The following IFNAR1 variants were observed in gnomAD, a reference collection of about 807,000 sequenced individuals.
IFNAR1 encodes the protein interferon alpha and beta receptor subunit 1, also known as interferon alpha/beta receptor 1.
A neutral mutation model predicts 62.1 loss-of-function variants in IFNAR1; 47 were observed. The ratio of observed to expected loss-of-function variants is 0.76; its 90% CI spans 0.60 to 0.97. The LOEUF (loss-of-function observed/expected upper bound fraction) is 0.97. Ranked by LOEUF, IFNAR1 falls within the 50% of genes least tolerant of loss-of-function variation. The probability of loss-of-function intolerance (pLI) is 0.00; values close to 1 mark genes in which losing one functional copy is unlikely to be tolerated. For missense variants in IFNAR1, 638 were observed against 654.5 expected (o/e 0.97, Z 0.27); for synonymous variants, 219 against 226.9 (o/e 0.97, Z 0.31).
intron 6 of IFNAR1, among the ~76,000 whole-genome samples, chr21:33,348,206 T>C (rs957586997): frequency 6.6e-6 from 1 of 152,196 alleles, no homozygotes; most frequent in African/African-American, 2.4e-5. Flanking sequence ...ACTTAATCAG[T>C]GTCCATTGGT....
At chr21:33,324,735 A>C, upstream of IFNAR1, 1 of 392,754 alleles carries the variant, frequency 2.5e-6, no homozygotes, top group Non-Finnish European at 4.8e-6. Flanking sequence ...ATAGGCCGGA[A>C]AGAGTGAGGA....
At chr21:33,343,966 G>A (rs569903054) in intron 5 of IFNAR1, among the ~76,000 whole-genome samples, 3 of 152,216 alleles carry the variant, frequency 2.0e-5, no homozygotes, top group East Asian at 1.9e-4. Context: ...GAACAGCCTC[G>A]CCAACATGGG....
chr21:33,328,374 A>G (rs913664021), intron 1 of IFNAR1, among the ~76,000 whole-genome samples: 1 of 152,192 alleles, frequency 6.6e-6, no homozygotes, highest in Non-Finnish European at 1.5e-5. Flanking sequence ...ATAATGAGGC[A>G]TATCCAAACC....
In IFNAR1 at chr21:33,359,418, G is replaced by A. The variant is rs1478203245; in HGVS notation, c.*3869G>A. 1 of 152,136 alleles carries A rather than the reference G, an allele frequency of 6.6e-6. No individual in the cohort carries two copies. The allele number at this position is 152,136 out of a possible 1,614,324, so 9.4% of individuals were successfully genotyped here. On this transcript the variant is annotated 3_prime_UTR_variant, in exon 11 of 11. Transcript: ENST00000270139. Reference sequence around the variant, plus strand: ...TGAGGCCTGTGCTTGGTGTTCCAGAGCCCAGGGTTGAGCATCCTGAAGGAG... The same window carrying A: ...TGAGGCCTGTGCTTGGTGTTCCAGAACCCAGGGTTGAGCATCCTGAAGGAG...
intron 8 of IFNAR1, among the ~76,000 whole-genome samples, chr21:33,351,566 T>TTTTTG (rs1568932967): frequency 6.6e-6 from 1 of 150,546 alleles, no homozygotes; most frequent in African/African-American, 2.4e-5. Flanking sequence ...TTTTTTTTTT[T>TTTTTG]GAGACAGGTT....
chr21:33,336,997 C>CACCTCAGCCTCCCA (rs1345148154), intron 2 of IFNAR1, among the ~76,000 whole-genome samples: 4 of 152,062 alleles, frequency 2.6e-5, no homozygotes, highest in Non-Finnish European at 5.9e-5. Flanking sequence ...GTGGTCTGCT[C>CACCTCAGCCTCCCA]ACCTCAGCCT....
At chr21:33,352,735 A>C (rs774047223) in intron 8 of IFNAR1, 23 bp from the exon 9 acceptor site, 5 of 1,336,660 alleles carry the variant, frequency 3.7e-6, no homozygotes, top group Non-Finnish European at 5.2e-6. Flanking sequence ...AAATTTTATC[A>C]GTGATTTAAT....
chr21:33,332,334 G>C (rs2083189099), intron 1 of IFNAR1, among the ~76,000 whole-genome samples: 1 of 152,086 alleles, frequency 6.6e-6, no homozygotes, highest in Non-Finnish European at 1.5e-5. Context: ...CATCTGTCAG[G>C]AAACAGTCAC....
At chr21:33,327,494 G>A (rs998466277) in intron 1 of IFNAR1, among the ~76,000 whole-genome samples, 1 of 152,182 alleles carries the variant, frequency 6.6e-6, no homozygotes, top group Non-Finnish European at 1.5e-5. Flanking sequence ...GGCTGTATAG[G>A]CCAGTCCGTG....
chr21:33,358,146 G>C lies in IFNAR1; in HGVS notation c.*2597G>C, dbSNP rs1284603097. 6.6e-6 allele frequency: 1 copy of C among 152,162 alleles called. No individual in the cohort carries two copies. Among genetic ancestry groups the C allele is most frequent in the Non-Finnish European group, 1.5e-5 (1 of 68,026 alleles). The allele number at this position is 152,162 out of a possible 1,614,324, so 9.4% of individuals were successfully genotyped here. A position where few individuals can be genotyped will look rare whatever the true frequency, so the allele number is the denominator to read the frequency against. On this transcript the variant is annotated 3_prime_UTR_variant, in exon 11 of 11. Transcript: ENST00000270139. The stretch of plus-strand genomic sequence containing the variant: ...TTTAAGACCATCTGTGGTTTTCAGT[G>C]AACAAGCGCTGAGCACCAGCAGCAG...
At chr21:33,354,414 T>G (rs1643741240) in intron 10 of IFNAR1, among the ~76,000 whole-genome samples, 1 of 152,224 alleles carries the variant, frequency 6.6e-6, no homozygotes, top group Non-Finnish European at 1.5e-5. Context: ...TGTTTCAATT[T>G]GTGATGCGTT....
At chr21:33,327,635 G>A (rs1218231970) in intron 1 of IFNAR1, among the ~76,000 whole-genome samples, 1 of 152,168 alleles carries the variant, frequency 6.6e-6, no homozygotes, top group Non-Finnish European at 1.5e-5. Flanking sequence ...CTAATTATCA[G>A]TATCTTTCAG....
At chr21:33,338,531 CAA>C (rs767390109) in intron 2 of IFNAR1, among the ~76,000 whole-genome samples, 2 of 116,114 alleles carry the variant, frequency 1.7e-5, no homozygotes, top group Non-Finnish European at 1.7e-5. Context: ...GACTTCATCT[CAA>C]AAAAAAAAAA....
In IFNAR1 at chr21:33,358,323, T is replaced by G. The variant is rs1303954503; in HGVS notation, c.*2774T>G. 6.6e-6 allele frequency: 1 copy of G among 152,206 alleles called. No individual in the cohort carries two copies. Among genetic ancestry groups the G allele is most frequent in the East Asian group, 1.9e-4 (1 of 5,204 alleles). The allele number at this position is 152,206 out of a possible 1,614,324, so 9.4% of individuals were successfully genotyped here. A position where few individuals can be genotyped will look rare whatever the true frequency, so the allele number is the denominator to read the frequency against. On this transcript the variant is annotated 3_prime_UTR_variant, in exon 11 of 11. Transcript: ENST00000270139. Reference sequence around the variant, plus strand: ...TATTTTTTCTGAACAGAAGTTTACTTAGAAATACCATGCACTTGGGGGTAC... The same window carrying G: ...TATTTTTTCTGAACAGAAGTTTACTGAGAAATACCATGCACTTGGGGGTAC...
At position 33,358,482 on chromosome 21, in the gene IFNAR1, A is replaced by C. The variant is rs1568935841; in HGVS notation, c.*2933A>C. On this transcript the variant is annotated 3_prime_UTR_variant, in exon 11 of 11. Transcript: ENST00000270139. ...TTAATATATAATACAGATTAACATT[A>C]TATATAATATGTACCTGTGTCACTT... 1 of 151,978 alleles carries C rather than the reference A, an allele frequency of 6.6e-6. No homozygotes were observed. The highest frequency in any genetic ancestry group is 2.1e-4 in the South Asian group (1 of 4,834). 9.4% of individuals were successfully genotyped at this position (151,978 alleles called of 1,614,324 possible).
chr21:33,346,966 C>G (rs532726606), intron 6 of IFNAR1, among the ~76,000 whole-genome samples: 1 of 152,068 alleles, frequency 6.6e-6, no homozygotes, highest in South Asian at 2.1e-4. Flanking sequence ...GGAGTCCAAG[C>G]GTGGCTTAGC....
At chr21:33,326,079 T>C (rs1208385916) in intron 1 of IFNAR1, among the ~76,000 whole-genome samples, 1 of 152,180 alleles carries the variant, frequency 6.6e-6, no homozygotes. Context: ...AAATGTTATC[T>C]CAATGAGATT....
At chr21:33,345,490 G>T (rs575302871) in intron 6 of IFNAR1, 130 bp downstream of exon 6, 7 of 648,882 alleles carry the variant, frequency 1.1e-5, no homozygotes, top group Non-Finnish European at 1.7e-5. Context: ...TATTGGAAAC[G>T]TGAGAAATCT....
chr21:33,332,761 T>C (rs1411863672), intron 1 of IFNAR1, among the ~76,000 whole-genome samples: 1 of 152,146 alleles, frequency 6.6e-6, no homozygotes, highest in Non-Finnish European at 1.5e-5. Context: ...ATAACAGACT[T>C]GGTAAAGCAG....
Sources: allele counts gnomAD v4.1 joint callset (sites outside exome capture counted in the v4.1 genomes callset), GRCh38; gene constraint gnomAD v4.1.1; transcripts MANE v1.5; gene names NCBI Gene and HGNC (gene_info 2026-07-23, HGNC 2026-07-21).